SREBF1: variants seen among roughly 807,000 people sequenced by gnomAD.
SREBF1 encodes sterol regulatory element-binding protein 1.
Under a neutral mutation model 100.1 loss-of-function variants are expected in SREBF1, and 45 were observed. That is an observed-to-expected ratio of 0.45 (90% CI 0.35 to 0.58). The LOEUF (loss-of-function observed/expected upper bound fraction) is 0.58, where lower values mean the gene tolerates loss of function less well. SREBF1 is among the 20% of genes least tolerant of loss of function. The pLI is 0.00. For synonymous variants in SREBF1, 657 were observed against 681.8 expected, an observed-to-expected ratio of 0.96 and a Z score of 0.57; for missense variants, 1,324 against 1,539.4, an observed-to-expected ratio of 0.86 and a Z score of 2.34.
intron 6 of SREBF1, 145 bp from the exon 7 acceptor site, chr17:17,818,061 G>C: frequency 1.1e-6 from 1 of 928,210 alleles, no homozygotes; most frequent in Non-Finnish European, 1.7e-6. Flanking sequence ...GGGCCAAAGG[G>C]AGGCACCAGG....
intron 1 of SREBF1, among the ~76,000 whole-genome samples, chr17:17,825,279 C>CT (rs1420178585): frequency 6.6e-6 from 1 of 152,214 alleles, no homozygotes; most frequent in Non-Finnish European, 1.5e-5. Context: ...CTTATTGTGT[C>CT]TTTATTTGTC....
intron 16 of SREBF1, 173 bp downstream of exon 16, chr17:17,814,072 C>G: frequency 1.3e-6 from 1 of 768,708 alleles, no homozygotes; most frequent in Non-Finnish European, 2.1e-6. Context: ...AGGGGCAACC[C>G]CTCTCCTCTG....
intron 5 of SREBF1, 94 bp downstream of exon 5, chr17:17,818,919 G>A: frequency 7.1e-7 from 1 of 1,417,766 alleles, no homozygotes; most frequent in Non-Finnish European, 9.8e-7. Flanking sequence ...TGCTTGTCCA[G>A]GCTCAGTCTC....
At chr17:17,820,063 T>C in intron 2 of SREBF1, 27 bp downstream of exon 2, 1 of 1,594,458 alleles carries the variant, frequency 6.3e-7, no homozygotes, top group Non-Finnish European at 8.5e-7. Context: ...ACCCCGGGTG[T>C]CCCCTCCCGC....
chr17:17,823,744 G>C (rs1167521736), intron 1 of SREBF1: 1 of 278,204 alleles, frequency 3.6e-6, no homozygotes, highest in Non-Finnish European at 5.4e-6. Flanking sequence ...GCTGCGGGCC[G>C]GGCATGGGGT....
Position 17,811,911 on chromosome 17 carries a change from C to T in SREBF1, c.*711G>A, listed in dbSNP as rs2143008269. On this transcript the variant is annotated 3_prime_UTR_variant, in exon 19 of 19. Transcript: ENST00000261646. ...GGTAGGCTGGAGGCCATACAGCCAGCCCTCCCCACTCCTCCCACTAACAAA... is the reference window on the plus strand; with the variant it reads ...GGTAGGCTGGAGGCCATACAGCCAGTCCTCCCCACTCCTCCCACTAACAAA... 2 of 441,718 alleles carry T rather than the reference C, an allele frequency of 4.5e-6. No individual in the cohort carries two copies. Among genetic ancestry groups the T allele is most frequent in the East Asian group, 7.3e-5 (1 of 13,684 alleles). 27.4% of individuals were successfully genotyped at this position (441,718 alleles called of 1,614,324 possible).
At position 17,816,284 on chromosome 17, in the gene SREBF1, CCA is replaced by C. The variant is rs1424661602; in HGVS notation, c.2135_2136del (p.Val712GlyfsTer116). 4 of 1,491,234 alleles carry C rather than the reference CCA, an allele frequency of 2.7e-6. No individual in the cohort carries two copies. Among genetic ancestry groups the C allele is most frequent in the Non-Finnish European group, 3.6e-6 (4 of 1,123,756 alleles). The allele number at this position is 1,491,234 out of a possible 1,614,324, so 92.4% of individuals were successfully genotyped here. A position where few individuals can be genotyped will look rare whatever the true frequency, so the allele number is the denominator to read the frequency against. ...LAECAGDAVS[V>X]ATLAEIYVAA... is the part of the protein sequence containing the mutation. ...GCCACATAGATCTCGGCCAGCGTCGCCACAGACACGGCATCCCCTGCACACTC... is the reference window on the plus strand; with the variant it reads ...GCCACATAGATCTCGGCCAGCGTCGCCAGACACGGCATCCCCTGCACACTC... On this transcript the variant is annotated frameshift_variant, in exon 11 of 19. Transcript: ENST00000261646. LOFTEE classifies it high-confidence loss of function.
intron 12 of SREBF1, 139 bp downstream of exon 12, chr17:17,815,721 T>G (rs897124174): frequency 5.3e-5 from 50 of 946,820 alleles, no homozygotes; most frequent in Non-Finnish European, 9.7e-6. Flanking sequence ...TTTCCCTTCC[T>G]GCAACCCCCA....
At chr17:17,830,944 G>A (rs947231808) in intron 1 of SREBF1, among the ~76,000 whole-genome samples, 5 of 152,240 alleles carry the variant, frequency 3.3e-5, no homozygotes, top group South Asian at 2.1e-4. Context: ...TCCTCTGGCC[G>A]GCCTGGGCTC....
chr17:17,818,683 T>C, intron 5 of SREBF1: 1 of 544,194 alleles, frequency 1.8e-6, no homozygotes, highest in South Asian at 2.0e-5. Flanking sequence ...CTGCTTTCTC[T>C]GCAACGAGCC....
At position 17,820,041 on chromosome 17, in the gene SREBF1, C is replaced by T. The variant is rs200515471; in HGVS notation, c.523+49G>A. 3.9e-6 allele frequency: 6 copies of T among 1,556,398 alleles called. No homozygotes were observed. The East Asian group carries it at 1.4e-4, about 35-fold the overall frequency. ...CACAGCAGAAGCTTCTTCCTGTGCT[C>T]CTGGAAGCCCCACCCCGGGTGTCCC... On this transcript the variant is annotated intron_variant, in intron 2 of 18. Coordinates refer to ENST00000261646, the MANE Select transcript of SREBF1 (RefSeq NM_004176.5).
At chr17:17,836,691 C>A in intron 1 of SREBF1, 36 bp downstream of exon 1, 1 of 1,537,166 alleles carries the variant, frequency 6.5e-7, no homozygotes, top group Non-Finnish European at 8.7e-7. Context: ...CTCGCGCCAC[C>A]CGGCGCAGCT....
chr17:17,827,521 C>G (rs2034566389), intron 1 of SREBF1, among the ~76,000 whole-genome samples: 1 of 152,210 alleles, frequency 6.6e-6, no homozygotes, highest in South Asian at 2.1e-4. Context: ...GTCGGCGGTC[C>G]TCGTGTTCTC....
At chr17:17,832,936 A>AAC (rs2034959631) in intron 1 of SREBF1, among the ~76,000 whole-genome samples, 1 of 149,892 alleles carries the variant, frequency 6.7e-6, no homozygotes, top group African/African-American at 2.5e-5. Context: ...CAAACAAACA[A>AAC]AAAAAAAAAA....
intron 1 of SREBF1, among the ~76,000 whole-genome samples, chr17:17,835,663 T>C (rs2035179838): frequency 6.6e-6 from 1 of 152,246 alleles, no homozygotes; most frequent in South Asian, 2.1e-4. Context: ...ACAGAAACCA[T>C]GCAGGCAATT....
Position 17,824,286 on chromosome 17 carries a change from G to A in SREBF1, c.92-3765C>T, listed in dbSNP as rs1054192781. On this transcript the variant is annotated intron_variant, in intron 1 of 18. Coordinates refer to ENST00000261646, the MANE Select transcript of SREBF1 (RefSeq NM_004176.5). This position sits in a 1 kb window ranked among gnomAD's most constrained non-coding sequence, Gnocchi z 4.2. ...CACCACAGCGGGGCTGATGGTCTGG[G>A]ATGAGGCCACTCCTGAAAACAGGTC... 5.3e-5 allele frequency among the ~76,000 whole-genome samples: 8 copies of A among 152,214 alleles called. No individual in the cohort carries two copies. The highest frequency in any genetic ancestry group is 8.8e-5 in the Non-Finnish European group (6 of 68,032).
rs765101236 is a variant in SREBF1 at position 17,816,504 on chromosome 17, C to G, written c.2000G>C (p.Arg667Pro). 6.2e-7 allele frequency: 1 copy of G among 1,603,094 alleles called. No individual in the cohort carries two copies. The highest frequency in any genetic ancestry group is 1.7e-5 in the Admixed American group (1 of 58,530). ...ALRVDASASA[R>P]DAALVYHKLH... ...CTTATGGTAGACCAGGGCTGCGTCTCGGGCGCTGGCGCTAGCATCCACTCG... is the reference window on the plus strand; with the variant it reads ...CTTATGGTAGACCAGGGCTGCGTCTGGGGCGCTGGCGCTAGCATCCACTCG... The change falls in exon 10 of 19, where the codon CGA becomes CCA. Residue 667 changes from arginine (R) to proline (P), a missense_variant. Physicochemically the swap from Arg to Pro is moderately radical, Grantham distance 103. Coordinates refer to ENST00000261646, the MANE Select transcript of SREBF1 (RefSeq NM_004176.5).
chr17:17,836,978 T>A lies in SREBF1; in HGVS notation c.-161A>T. 1.8e-6 allele frequency: 1 copy of A among 569,830 alleles called. No homozygotes were observed. The highest frequency in any genetic ancestry group is 2.8e-6 in the Non-Finnish European group (1 of 355,172). The allele number at this position is 569,830 out of a possible 1,614,324, so 35.3% of individuals were successfully genotyped here. A position where few individuals can be genotyped will look rare whatever the true frequency, so the allele number is the denominator to read the frequency against. On this transcript the variant is annotated 5_prime_UTR_variant, in exon 1 of 19. Coordinates refer to ENST00000261646, the MANE Select transcript of SREBF1 (RefSeq NM_004176.5). ...CGGCCCGGCGCCGGCGAAAAGTTCC[T>A]CGGAAACTGGGTTCCCCCGGCCGCA...
chr17:17,820,057 C>T (rs770180248), intron 2 of SREBF1, 33 bp downstream of exon 2: 19 of 1,588,386 alleles, frequency 1.2e-5, no homozygotes, highest in South Asian at 7.9e-5. Context: ...AGCCCCACCC[C>T]GGGTGTCCCC....
Sources: gnomAD v4.1 joint callset for allele counts (sites outside exome capture counted in the v4.1 genomes callset) on GRCh38, gnomAD v4.1.1 for gene constraint, Gnocchi (gnomAD v3.1) non-coding constraint, MANE v1.5 for transcripts, NCBI Gene and HGNC (gene_info 2026-07-23, HGNC 2026-07-21) for gene names.